The following ACBD6 variants were observed in gnomAD, a reference collection of about 807,000 sequenced individuals.
The protein encoded by ACBD6 is acyl-CoA-binding domain-containing protein 6.
ACBD6 carries 28 observed loss-of-function variants against 37.2 expected under a neutral mutation model. The ratio of observed to expected loss-of-function variants is 0.75; its 90% CI spans 0.56 to 1.03. ACBD6 has a LOEUF of 1.03. Among genes scored for constraint, ACBD6 ranks in the 50% least tolerant of loss-of-function variants. ACBD6 has a pLI of 0.00. For missense variants in ACBD6, 340 were observed against 337.4 expected (o/e 1.01, Z -0.06); for synonymous variants, 113 against 126.8 (o/e 0.89, Z 0.73).
chr1:180,314,621 G>T, intron 7 of ACBD6, 71 bp downstream of exon 7: 1 of 1,297,610 alleles, frequency 7.7e-7, no homozygotes, highest in Non-Finnish European at 1.1e-6. Flanking sequence ...ATATAGGAAT[G>T]GACAAAGTTG....
intron 3 of ACBD6, among the ~76,000 whole-genome samples, chr1:180,485,113 C>T (rs1651212085): frequency 6.6e-6 from 1 of 151,412 alleles, no homozygotes; most frequent in African/African-American, 2.4e-5. Flanking sequence ...TAGATACATA[C>T]ATTTGAGGGT....
At chr1:180,359,684 T>C (rs570809437) in intron 6 of ACBD6, among the ~76,000 whole-genome samples, 1 of 110,122 alleles carries the variant, frequency 9.1e-6, no homozygotes, top group Admixed American at 9.3e-5. Context: ...TGCACTACCT[T>C]CTTTCAGTGG....
At chr1:180,416,871 T>TAA (rs1648116706) in intron 4 of ACBD6, among the ~76,000 whole-genome samples, 1 of 152,142 alleles carries the variant, frequency 6.6e-6, no homozygotes, top group Admixed American at 6.5e-5. Flanking sequence ...GCAAGACATA[T>TAA]AAAGTCCATT....
At chr1:180,494,117 G>A (rs1295990480) in intron 2 of ACBD6, among the ~76,000 whole-genome samples, 1 of 151,894 alleles carries the variant, frequency 6.6e-6, no homozygotes, top group African/African-American at 2.4e-5. Context: ...TGTAACCCAC[G>A]GTTTTGCTCC....
At chr1:180,377,966 A>G (rs1376744023) in intron 6 of ACBD6, among the ~76,000 whole-genome samples, 1 of 149,490 alleles carries the variant, frequency 6.7e-6, no homozygotes, top group African/African-American at 2.4e-5. Context: ...AATAATAATA[A>G]TAATAATAAT....
downstream of ACBD6, chr1:180,286,987 C>G (rs1649522831): frequency 6.6e-6 from 1 of 152,144 alleles, no homozygotes; most frequent in Non-Finnish European, 1.5e-5. Context: ...CATCTCAACT[C>G]ATTTTTTATT....
At chr1:180,489,849 G>A (rs1033935552) in intron 3 of ACBD6, among the ~76,000 whole-genome samples, 8 of 151,966 alleles carry the variant, frequency 5.3e-5, no homozygotes, top group African/African-American at 1.9e-4. Context: ...AGTAGAGACG[G>A]GATTTCACCA....
At chr1:180,383,185 A>G (rs930942631) in intron 6 of ACBD6, among the ~76,000 whole-genome samples, 12 of 152,204 alleles carry the variant, frequency 7.9e-5, no homozygotes, top group African/African-American at 2.9e-4. Context: ...TGGAAGTGTT[A>G]GTGAGAGCAA....
At chr1:180,439,283 C>T (rs1649183605) in intron 3 of ACBD6, among the ~76,000 whole-genome samples, 1 of 152,126 alleles carries the variant, frequency 6.6e-6, no homozygotes, top group African/African-American at 2.4e-5. Flanking sequence ...AAGTGGAAGG[C>T]CCTACTAAGA....
intron 4 of ACBD6, 37 bp from the exon 5 acceptor site, chr1:180,413,508 T>C (rs1026243573): frequency 2.1e-6 from 3 of 1,415,262 alleles, no homozygotes; most frequent in African/African-American, 2.8e-5. Flanking sequence ...TTTTACTGGG[T>C]AATACATTAA....
chr1:180,305,668 T>C (rs1275162247), intron 7 of ACBD6, among the ~76,000 whole-genome samples: 13 of 152,142 alleles, frequency 8.5e-5, no homozygotes, highest in Non-Finnish European at 1.6e-4. Flanking sequence ...TGTAAACTGG[T>C]TCAACCATTG....
At chr1:180,339,784 G>A (rs1651905576) in intron 6 of ACBD6, among the ~76,000 whole-genome samples, 1 of 151,940 alleles carries the variant, frequency 6.6e-6, no homozygotes, top group Non-Finnish European at 1.5e-5. Context: ...TTGGGAGAGG[G>A]GGAACAGAAA....
At chr1:180,326,418 G>C (rs1322310266) in intron 6 of ACBD6, 4 of 152,272 alleles carry the variant, frequency 2.6e-5, no homozygotes, top group African/African-American at 9.7e-5. Flanking sequence ...CACCCTTCAG[G>C]GCAGTGGGCT....
chr1:180,390,980 C>T (rs1440065639), intron 6 of ACBD6, among the ~76,000 whole-genome samples: 2 of 152,080 alleles, frequency 1.3e-5, no homozygotes, highest in East Asian at 1.9e-4. Context: ...TAAGGAAAGA[C>T]ATACTGATCA....
intron 6 of ACBD6, among the ~76,000 whole-genome samples, chr1:180,364,874 T>C (rs766258900): frequency 6.6e-6 from 1 of 151,824 alleles, no homozygotes; most frequent in African/African-American, 2.4e-5. Context: ...GCTGGGACTA[T>C]AGGCGTGTGC....
At chr1:180,319,677 G>A (rs750848566) in intron 6 of ACBD6, among the ~76,000 whole-genome samples, 2 of 151,944 alleles carry the variant, frequency 1.3e-5, no homozygotes, top group Non-Finnish European at 2.9e-5. Context: ...GCCTCTAGTG[G>A]TCACCATCCT....
chr1:180,501,636 A>G (rs545080051), intron 1 of ACBD6, among the ~76,000 whole-genome samples: 5 of 152,212 alleles, frequency 3.3e-5, no homozygotes, highest in Admixed American at 2.0e-4. Context: ...CATTATTACA[A>G]TCCTATTATC....
chr1:180,384,935 T>C (rs990259450), intron 6 of ACBD6, among the ~76,000 whole-genome samples: 1 of 152,130 alleles, frequency 6.6e-6, no homozygotes, highest in African/African-American at 2.4e-5. Context: ...CATTCATATG[T>C]AGGAGCTAAA....
At chr1:180,325,537 T>G (rs6672551) in intron 6 of ACBD6, among the ~76,000 whole-genome samples, 7,930 of 152,250 alleles carry the variant, frequency 0.052, 665 homozygotes, top group African/African-American at 0.17. Flanking sequence ...CTCTGAAAGG[T>G]TGCATATCTC....
Sources: allele counts gnomAD v4.1 joint callset (sites outside exome capture counted in the v4.1 genomes callset), GRCh38; gene constraint gnomAD v4.1.1; transcripts MANE v1.5; gene names NCBI Gene and HGNC (gene_info 2026-07-23, HGNC 2026-07-21).